PDE1A: variants seen among roughly 807,000 people sequenced by gnomAD.
The protein encoded by PDE1A is dual specificity calcium/calmodulin-dependent 3',5'-cyclic nucleotide phosphodiesterase 1A.
Under a neutral mutation model 61.7 loss-of-function variants are expected in PDE1A, and 35 were observed. That is an observed-to-expected ratio of 0.57 (90% CI 0.43 to 0.75). The LOEUF (loss-of-function observed/expected upper bound fraction) is 0.75, where lower values mean the gene tolerates loss of function less well. Among genes scored for constraint, PDE1A ranks in the 30% least tolerant of loss-of-function variants. The probability of loss-of-function intolerance (pLI) is 0.00; values close to 1 mark genes in which losing one functional copy is unlikely to be tolerated. For synonymous variants in PDE1A, 232 were observed against 213.2 expected, an observed-to-expected ratio of 1.09 and a Z score of -0.77; for missense variants, 597 against 630.6, an observed-to-expected ratio of 0.95 and a Z score of 0.57.
At chr2:182,706,071 T>G in the PDE1A span, among the ~76,000 whole-genome samples, 1 of 152,160 alleles carries the variant, frequency 6.6e-6, no homozygotes, top group African/African-American at 2.4e-5. Context: ...AAGCCTATAG[T>G]CAAATGTGAG....
intron 2 of PDE1A, among the ~76,000 whole-genome samples, chr2:182,495,035 C>T (rs897783715): frequency 1.3e-5 from 2 of 152,120 alleles, no homozygotes; most frequent in African/African-American, 4.8e-5. Context: ...TCCACTCTGT[C>T]GGGGGTGCTC....
At chr2:182,400,513 C>A (rs1701943785) in intron 1 of PDE1A, among the ~76,000 whole-genome samples, 1 of 152,138 alleles carries the variant, frequency 6.6e-6, no homozygotes, top group South Asian at 2.1e-4. Flanking sequence ...TACATCTTTA[C>A]CCAAAGGAGA....
At chr2:182,371,580 G>A (rs185891164) in intron 1 of PDE1A, among the ~76,000 whole-genome samples, 104 of 152,232 alleles carry the variant, frequency 6.8e-4, no homozygotes, top group Non-Finnish European at 1.0e-3. Flanking sequence ...CATTTTTAAA[G>A]TTTTTCCCTA....
intron 1 of PDE1A, among the ~76,000 whole-genome samples, chr2:182,410,122 C>T (rs778134224): frequency 2.0e-5 from 3 of 152,022 alleles, no homozygotes; most frequent in African/African-American, 4.8e-5. Flanking sequence ...GAGGCTAAGG[C>T]GAGAGGATCA....
the PDE1A span, among the ~76,000 whole-genome samples, chr2:182,650,061 T>A: frequency 1.3e-5 from 2 of 151,976 alleles, no homozygotes; most frequent in Non-Finnish European, 2.9e-5. Flanking sequence ...TACTCCAGCC[T>A]AGGTGATAGA....
intron 2 of PDE1A, among the ~76,000 whole-genome samples, chr2:182,489,430 C>T (rs1421020768): frequency 6.6e-6 from 1 of 152,188 alleles, no homozygotes; most frequent in African/African-American, 2.4e-5. Context: ...ATCACTGACA[C>T]TGCGTGAAAA....
At chr2:182,278,694 G>A (rs1176653557) in intron 1 of PDE1A, among the ~76,000 whole-genome samples, 2 of 151,924 alleles carry the variant, frequency 1.3e-5, no homozygotes, top group Non-Finnish European at 2.9e-5. Flanking sequence ...AAATGTAAGA[G>A]GGGCCTCAGA....
chr2:182,455,568 T>C (rs373630738), intron 2 of PDE1A, among the ~76,000 whole-genome samples: 1 of 152,242 alleles, frequency 6.6e-6, no homozygotes, highest in Middle Eastern at 3.4e-3. Context: ...CATGGAACAC[T>C]ATGCAGCCAT....
the PDE1A span, among the ~76,000 whole-genome samples, chr2:182,635,655 C>T: frequency 2.1e-5 from 3 of 146,004 alleles, no homozygotes; most frequent in East Asian, 6.1e-4. Context: ...TTATGGATCA[C>T]TTTGTTTTAA....
the PDE1A span, among the ~76,000 whole-genome samples, chr2:182,643,147 T>C: frequency 6.6e-6 from 1 of 152,202 alleles, no homozygotes; most frequent in Non-Finnish European, 1.5e-5. Flanking sequence ...GTCGTCAGGA[T>C]CCTGAGTCCT....
In PDE1A at chr2:182,240,094, C is replaced by G; in HGVS notation, c.350+16G>C. The stretch of plus-strand genomic sequence containing the variant: ...TTCAAATGTTACTGTCTTGAGATAC[C>G]AACAATTTCACTTACCTTTCCACAA... On this transcript the variant is annotated intron_variant, in intron 3 of 13. Coordinates refer to ENST00000351439, the Ensembl canonical transcript of PDE1A. 1 of 1,608,562 alleles carries G rather than the reference C, an allele frequency of 6.2e-7. No individual in the cohort carries two copies. Among genetic ancestry groups the G allele is most frequent in the Non-Finnish European group, 8.5e-7 (1 of 1,176,810 alleles).
At chr2:182,333,599 A>G (rs534279059) in intron 1 of PDE1A, among the ~76,000 whole-genome samples, 91 of 152,232 alleles carry the variant, frequency 6.0e-4, no homozygotes, top group Non-Finnish European at 1.0e-3. Flanking sequence ...AGGGAAATTT[A>G]TAGCACTAGG....
the PDE1A span, among the ~76,000 whole-genome samples, chr2:182,549,999 A>G: frequency 2.0e-5 from 3 of 152,190 alleles, no homozygotes; most frequent in African/African-American, 7.2e-5. Context: ...TAGTCATTCA[A>G]AGTTATTAGA....
chr2:182,564,337 C>A, the PDE1A span, among the ~76,000 whole-genome samples: 32 of 152,052 alleles, frequency 2.1e-4, no homozygotes, highest in East Asian at 3.7e-3. Context: ...TGGATATGAA[C>A]TTCTGGGTTG....
At chr2:182,280,568 A>G (rs1693735575) in intron 1 of PDE1A, among the ~76,000 whole-genome samples, 1 of 151,970 alleles carries the variant, frequency 6.6e-6, no homozygotes, top group Non-Finnish European at 1.5e-5. Context: ...ATTTTCTCTC[A>G]AAATGTAAAG....
At chr2:182,282,163 A>G (rs1693853139) in intron 1 of PDE1A, among the ~76,000 whole-genome samples, 1 of 151,870 alleles carries the variant, frequency 6.6e-6, no homozygotes, top group Non-Finnish European at 1.5e-5. Context: ...GCATAATCCT[A>G]ATCTTTTACC....
intron 1 of PDE1A, among the ~76,000 whole-genome samples, chr2:182,266,161 A>G (rs1214925122): frequency 6.6e-6 from 1 of 152,180 alleles, no homozygotes; most frequent in Non-Finnish European, 1.5e-5. Context: ...TCAGCAGGCA[A>G]TAACATTGAA....
At chr2:182,497,171 T>C (rs1490666473) in intron 2 of PDE1A, among the ~76,000 whole-genome samples, 2 of 152,160 alleles carry the variant, frequency 1.3e-5, no homozygotes, top group Non-Finnish European at 2.9e-5. Flanking sequence ...TCCACTAACA[T>C]GACAGTAAAA....
At chr2:182,570,699 G>A in the PDE1A span, among the ~76,000 whole-genome samples, 1 of 152,138 alleles carries the variant, frequency 6.6e-6, no homozygotes, top group Non-Finnish European at 1.5e-5. Context: ...GGGTAAAAAG[G>A]AAACCTAAAA....
Sources: allele counts gnomAD v4.1 joint callset (sites outside exome capture counted in the v4.1 genomes callset), GRCh38; gene constraint gnomAD v4.1.1; transcripts MANE v1.5; gene names NCBI Gene and HGNC (gene_info 2026-07-23, HGNC 2026-07-21).